Variants in GFRA3 observed in about 807,000 individuals in gnomAD.
GFRA3 encodes GDNF family receptor alpha-3.
GFRA3 carries 24 observed loss-of-function variants against 40.0 expected under a neutral mutation model. That is an observed-to-expected ratio of 0.60 (90% CI 0.43 to 0.84). The LOEUF (loss-of-function observed/expected upper bound fraction) is 0.84, where lower values mean the gene tolerates loss of function less well. Among genes scored for constraint, GFRA3 ranks in the 40% least tolerant of loss-of-function variants. GFRA3 has a pLI of 0.00. For synonymous variants in GFRA3, 203 were observed against 213.5 expected (o/e 0.95, Z 0.43); for missense variants, 405 against 530.6 (o/e 0.76, Z 2.33).
Position 138,257,653 on chromosome 5 carries a change from G to A in GFRA3, c.771C>T (p.Ser257=), listed in dbSNP as rs755778200. ...AAACTACACACCTGCAAAGCGGGTC[G>A]GAGAAGCAGAGGCGCCGCAGCTCCA... is the stretch of plus-strand genomic sequence containing the variant. The part of the protein sequence containing the change: ...NCLELRRLCF[S]DPLCRSRLVD... The change falls in exon 4 of 8, where the codon TCC becomes TCT. Residue 257 remains serine, a synonymous_variant. Coordinates refer to ENST00000274721, the MANE Select transcript of GFRA3 (RefSeq NM_001496.4). 20 of 1,609,404 alleles carry A rather than the reference G, an allele frequency of 1.2e-5. No homozygotes were observed. In the Admixed American group the frequency reaches 1.4e-4, roughly 11 times the overall value.
intron 4 of GFRA3, 97 bp downstream of exon 4, chr5:138,257,542 C>T (rs1581507966): frequency 2.9e-6 from 3 of 1,043,390 alleles, no homozygotes; most frequent in African/African-American, 3.3e-5. Flanking sequence ...GTCCACGGTT[C>T]CCTGGGAGGG....
Position 138,252,636 on chromosome 5 carries a change from G to C in GFRA3, c.*332C>G. The C allele has an allele frequency of 4.7e-6, 1 of 210,544 alleles. No homozygotes were observed. Among genetic ancestry groups the C allele is most frequent in the Non-Finnish European group, 9.6e-6 (1 of 103,950 alleles). The allele number at this position is 210,544 out of a possible 1,614,324, so 13.0% of individuals were successfully genotyped here. A position where few individuals can be genotyped will look rare whatever the true frequency, so the allele number is the denominator to read the frequency against. ...TCCTCCCTACCCTAACCCTAATCTG[G>C]AATGCAATAGAGAATGGCTAACTTA... On this transcript the variant is annotated 3_prime_UTR_variant, in exon 8 of 8. Transcript: ENST00000274721.
At chr5:138,269,195 T>G (rs1486942393) in intron 1 of GFRA3, among the ~76,000 whole-genome samples, 1 of 152,102 alleles carries the variant, frequency 6.6e-6, no homozygotes, top group African/African-American at 2.4e-5. Flanking sequence ...CTGGTGGGAA[T>G]GTAAACTAGT....
At chr5:138,271,906 TTTTTTTTTG>T (rs1755876944) in intron 1 of GFRA3, among the ~76,000 whole-genome samples, 1 of 121,974 alleles carries the variant, frequency 8.2e-6, no homozygotes, top group South Asian at 2.8e-4. Flanking sequence ...TTTTTTTTTT[TTTTTTTTTG>T]TGTGTGTGTG....
chr5:138,255,931 G>T (rs112955994), intron 4 of GFRA3, among the ~76,000 whole-genome samples: 112 of 148,616 alleles, frequency 7.5e-4, no homozygotes, highest in African/African-American at 2.4e-3. Context: ...AGAAGAAGAA[G>T]AAAAAAACCA....
rs1182589273 is a variant in GFRA3 at position 138,274,460 on chromosome 5, G to C, written c.-36C>G. The C allele has an allele frequency of 5.5e-6, 7 of 1,280,690 alleles. No individual in the cohort carries two copies. Among genetic ancestry groups the C allele is most frequent in the Non-Finnish European group, 6.9e-6 (7 of 1,011,912 alleles). 79.3% of individuals were successfully genotyped at this position (1,280,690 alleles called of 1,614,324 possible). A position where few individuals can be genotyped will look rare whatever the true frequency, so the allele number is the denominator to read the frequency against. ...AGGCGCCGGGCTCCGCGCTCCCCTC[G>C]CTCCTCCCCTGGAGCTCTGAGAGCG... On this transcript the variant is annotated 5_prime_UTR_variant, in exon 1 of 8. Coordinates refer to ENST00000274721, the MANE Select transcript of GFRA3 (RefSeq NM_001496.4).
intron 1 of GFRA3, among the ~76,000 whole-genome samples, chr5:138,264,884 C>A (rs1755761677): frequency 6.6e-6 from 1 of 152,070 alleles, no homozygotes; most frequent in South Asian, 2.1e-4. Context: ...CCAGGCAGAG[C>A]CATGCCATGG....
Position 138,253,843 on chromosome 5 carries a change from C to T in GFRA3, c.947G>A (p.Cys316Tyr). 1 of 1,613,872 alleles carries T rather than the reference C, an allele frequency of 6.2e-7. No homozygotes were observed. The highest frequency in any genetic ancestry group is 8.5e-7 in the Non-Finnish European group (1 of 1,179,804). ...SNVNTSVALS[C>Y]TCRGSGNLQE... The stretch of plus-strand genomic sequence containing the variant: ...CAGGTTGCCACTGCCTCGGCAGGTG[C>T]AGCTTAAGGCAACACTGGTGTTGAC... The change falls in exon 6 of 8, where the codon TGC (cysteine) becomes TAC (tyrosine). Residue 316 changes from cysteine (C) to tyrosine (Y), a missense_variant. Transcript: ENST00000274721.
chr5:138,262,983 G>A (rs1340281153), intron 2 of GFRA3, among the ~76,000 whole-genome samples: 2 of 151,288 alleles, frequency 1.3e-5, no homozygotes, highest in Admixed American at 6.6e-5. Flanking sequence ...TGTTTTTTTC[G>A]AGACAGAGTC....
chr5:138,274,365 C>T lies in GFRA3; in HGVS notation c.60G>A (p.Leu20=). ...CGAGAGGCAGCGGCGACGGCGGCAG[C>T]AGCAGCAGCAACATCAGGACTACGG... The part of the protein sequence containing the change: ...LPPVVLMLLL[L]LPPSPLPLAA... The change falls in exon 1 of 8, where the codon CTG becomes CTA. Residue 20 remains leucine (L), a synonymous_variant. Coordinates refer to ENST00000274721, the MANE Select transcript of GFRA3 (RefSeq NM_001496.4). 2 of 1,333,794 alleles carry T rather than the reference C, an allele frequency of 1.5e-6. No individual in the cohort carries two copies. The highest frequency in any genetic ancestry group is 3.2e-5 in the Admixed American group (1 of 31,630). The allele number at this position is 1,333,794 out of a possible 1,614,324, so 82.6% of individuals were successfully genotyped here.
chr5:138,253,249 C>A (rs1323096766), intron 7 of GFRA3, 38 bp downstream of exon 7: 1 of 1,366,522 alleles, frequency 7.3e-7, no homozygotes, highest in Non-Finnish European at 1.0e-6. Flanking sequence ...CCAGCCGGCC[C>A]AGTAAAGGTC....
intron 3 of GFRA3, among the ~76,000 whole-genome samples, chr5:138,258,341 C>T (rs1307736109): frequency 3.3e-5 from 5 of 151,692 alleles, no homozygotes; most frequent in African/African-American, 7.3e-5. Flanking sequence ...CCACGACGCC[C>T]GGCTAATTTT....
chr5:138,265,507 C>T (rs749461142), intron 1 of GFRA3, among the ~76,000 whole-genome samples: 11 of 152,048 alleles, frequency 7.2e-5, no homozygotes, highest in Non-Finnish European at 1.6e-4. Flanking sequence ...CGTGAGCCAC[C>T]GCGCCTTAAT....
At chr5:138,262,177 C>T (rs536356702) in intron 2 of GFRA3, among the ~76,000 whole-genome samples, 1 of 152,288 alleles carries the variant, frequency 6.6e-6, no homozygotes, top group East Asian at 1.9e-4. Flanking sequence ...AGGCAGGAAG[C>T]AGGCTGAGAA....
Position 138,259,575 on chromosome 5 carries a change from G to T in GFRA3, c.454C>A (p.Leu152Met). Reference protein sequence around the residue: ...SKPWKMNLSKLNMLKPDSDLC... With the variant: ...SKPWKMNLSKMNMLKPDSDLC... Reference sequence around the variant, plus strand: ...TCCACACCTGGTTTGAGCATGTTCAGTTTGCTGAGATTCATTTTCCAGGGT... The same window carrying T: ...TCCACACCTGGTTTGAGCATGTTCATTTTGCTGAGATTCATTTTCCAGGGT... The change falls in exon 3 of 8, where the codon CTG becomes ATG. Residue 152 changes from leucine to methionine, a missense_variant. Transcript: ENST00000274721. The T allele has an allele frequency of 1.3e-6, 2 of 1,540,700 alleles. No individual in the cohort carries two copies. Among genetic ancestry groups the T allele is most frequent in the African/African-American group, 1.4e-5 (1 of 73,548 alleles).
Position 138,252,803 on chromosome 5 carries a change from A to C in GFRA3, c.*165T>G. On this transcript the variant is annotated 3_prime_UTR_variant, in exon 8 of 8. Coordinates refer to ENST00000274721, the MANE Select transcript of GFRA3 (RefSeq NM_001496.4). ...CAGAAGTGGAGATGGGGTGGAGGGAATGAGGACTGGACCAGTAAGGATCTG... is the reference window on the plus strand; with the variant it reads ...CAGAAGTGGAGATGGGGTGGAGGGACTGAGGACTGGACCAGTAAGGATCTG... 7.7e-6 allele frequency: 4 copies of C among 517,246 alleles called. No homozygotes were observed. The highest frequency in any genetic ancestry group is 1.4e-5 in the Non-Finnish European group (4 of 280,278). 32.0% of individuals were successfully genotyped at this position (517,246 alleles called of 1,614,324 possible). A position where few individuals can be genotyped will look rare whatever the true frequency, so the allele number is the denominator to read the frequency against.
At chr5:138,270,968 G>A (rs1173134860) in intron 1 of GFRA3, among the ~76,000 whole-genome samples, 1 of 152,076 alleles carries the variant, frequency 6.6e-6, no homozygotes, top group Non-Finnish European at 1.5e-5. Flanking sequence ...GCAGATTCAA[G>A]TTCTATTGTT....
chr5:138,256,722 G>A (rs1755637180), intron 4 of GFRA3, among the ~76,000 whole-genome samples: 1 of 152,010 alleles, frequency 6.6e-6, no homozygotes, highest in African/African-American at 2.4e-5. Context: ...GCCAAAGCAG[G>A]TGGATCACAG....
In GFRA3 at chr5:138,253,465, C is replaced by T. The variant is rs139127944; in HGVS notation, c.1025-90G>A. The stretch of plus-strand genomic sequence containing the variant: ...GAAGGAAAGGGAATGCCACAGGGAC[C>T]CTGGGCTATAGGGGAGCAAGTGGGT... On this transcript the variant is annotated intron_variant, in intron 6 of 7. Transcript: ENST00000274721. The T allele has an allele frequency of 1.1e-3, 902 of 858,776 alleles. 7 individuals carry two copies. The African/African-American group carries it at 0.014, about 13-fold the overall frequency. 53.2% of individuals were successfully genotyped at this position (858,776 alleles called of 1,614,324 possible). A position where few individuals can be genotyped will look rare whatever the true frequency, so the allele number is the denominator to read the frequency against.
Sources: allele counts gnomAD v4.1 joint callset (sites outside exome capture counted in the v4.1 genomes callset), GRCh38; gene constraint gnomAD v4.1.1; transcripts MANE v1.5; gene names NCBI Gene and HGNC (gene_info 2026-07-23, HGNC 2026-07-21).